The following AGBL3 variants were observed in gnomAD, a reference collection of about 807,000 sequenced individuals.
AGBL3 encodes cytosolic carboxypeptidase 3.
Under a neutral mutation model 94.5 loss-of-function variants are expected in AGBL3, and 68 were observed. The observed-to-expected ratio is 0.72, with a 90% CI of 0.59 to 0.88. The LOEUF (loss-of-function observed/expected upper bound fraction) is 0.88. Among genes scored for constraint, AGBL3 ranks in the 40% least tolerant of loss-of-function variants. The pLI is 0.00. For missense variants in AGBL3, 934 were observed against 1,103.8 expected, an observed-to-expected ratio of 0.85 and a Z score of 2.18; for synonymous variants, 354 against 370.7, an observed-to-expected ratio of 0.95 and a Z score of 0.52.
At chr7:135,079,342 C>T (rs1227066141) in intron 13 of AGBL3, among the ~76,000 whole-genome samples, 3 of 152,100 alleles carry the variant, frequency 2.0e-5, no homozygotes, top group South Asian at 2.1e-4. Context: ...TTGATTTTTA[C>T]AGTTTTCTCC....
intron 16 of AGBL3, among the ~76,000 whole-genome samples, chr7:135,116,948 G>C (rs1826405684): frequency 1.3e-5 from 2 of 152,232 alleles, no homozygotes; most frequent in African/African-American, 2.4e-5. Context: ...CCAAGTCTTG[G>C]ATATATGAGG....
chr7:135,105,683 C>T (rs1200491620), intron 15 of AGBL3, among the ~76,000 whole-genome samples: 8 of 152,046 alleles, frequency 5.3e-5, no homozygotes, highest in Non-Finnish European at 1.5e-5. Context: ...CAGCTTTGTT[C>T]TTTTTGCTTA....
intron 12 of AGBL3, among the ~76,000 whole-genome samples, chr7:135,074,531 T>A (rs1460224475): frequency 3.9e-5 from 6 of 152,274 alleles, no homozygotes; most frequent in Non-Finnish European, 8.8e-5. Flanking sequence ...AACAAGTGTT[T>A]TACCTCCTCC....
At chr7:134,987,071 G>T (rs530349952) in intron 1 of AGBL3, among the ~76,000 whole-genome samples, 22 of 152,390 alleles carry the variant, frequency 1.4e-4, no homozygotes, top group African/African-American at 5.3e-4. Flanking sequence ...TGATGCCCAG[G>T]CAGAAACTTC....
At chr7:135,068,629 C>G (rs1819590477) in intron 12 of AGBL3, among the ~76,000 whole-genome samples, 1 of 152,146 alleles carries the variant, frequency 6.6e-6, no homozygotes, top group African/African-American at 2.4e-5. Context: ...CATATCCAGC[C>G]AAACTAAACT....
chr7:135,104,129 C>T (rs1245492326), intron 15 of AGBL3, among the ~76,000 whole-genome samples: 1 of 152,072 alleles, frequency 6.6e-6, no homozygotes, highest in African/African-American at 2.4e-5. Context: ...CCTATGTTCT[C>T]ATAATTTGGC....
In AGBL3 at chr7:134,993,657, G is replaced by C; in HGVS notation, c.289G>C (p.Asp97His). The C allele has an allele frequency of 6.5e-7, 1 of 1,550,268 alleles. No individual in the cohort carries two copies. Among genetic ancestry groups the C allele is most frequent in the South Asian group, 1.2e-5 (1 of 83,544 alleles). Reference sequence around the variant, plus strand: ...GTGGCCATACCATTGTGAAGTCATCGATGAAAAAGTCCAGCATATTGGTAT... The same window carrying C: ...GTGGCCATACCATTGTGAAGTCATCCATGAAAAAGTCCAGCATATTGGTAT... ...TRWPYHCEVI[D>H]EKVQHIDWTP... Residue 97 changes from aspartate to histidine, a missense_variant, in exon 4 of 17, where the codon GAT becomes CAT. Physicochemically the swap from Asp to His is moderately conservative, Grantham distance 81 (BLOSUM62 -1). Coordinates refer to ENST00000436302, the MANE Select transcript of AGBL3 (RefSeq NM_178563.4).
chr7:135,080,126 C>A, intron 13 of AGBL3, 77 bp from the exon 14 acceptor site: 1 of 1,127,128 alleles, frequency 8.9e-7, no homozygotes, highest in Non-Finnish European at 1.3e-6. Context: ...TGCACAATAC[C>A]ATAAATCATA....
rs530854792 is a variant in AGBL3, at chr7:135,098,317, C to T, written c.2110+16527C>T. Among the ~76,000 whole-genome samples, 4 of 152,248 alleles carry T rather than the reference C, an allele frequency of 2.6e-5. No homozygotes were observed. The South Asian group carries it at 8.3e-4, about 32-fold the overall frequency. ...AAATGGCATAGTGTTTGCATATAAC[C>T]TATGCATATCCTCCAGTATGCTTTA... On this transcript the variant is annotated intron_variant, in intron 15 of 16. Transcript: ENST00000436302.
chr7:135,121,759 GGAA>G (rs942067046), intron 16 of AGBL3, among the ~76,000 whole-genome samples: 8 of 152,288 alleles, frequency 5.3e-5, no homozygotes, highest in African/African-American at 1.9e-4. Flanking sequence ...TCCACAGAGA[GGAA>G]GAACAGTGTA....
Position 135,090,962 on chromosome 7 carries a change from G to C in AGBL3, c.2110+9172G>C, listed in dbSNP as rs377186637. Among the ~76,000 whole-genome samples the C allele has an allele frequency of 2.0e-5, 3 of 152,258 alleles. No individual in the cohort carries two copies. In the East Asian group the frequency reaches 5.8e-4, roughly 29 times the overall value. On this transcript the variant is annotated intron_variant, in intron 15 of 16. Coordinates refer to ENST00000436302, the MANE Select transcript of AGBL3 (RefSeq NM_178563.4). ...TCCAAGATGACAGCTCCTTCTCTGGGGGGAGCACAGCTAGTGGAGTCCAGG... is the reference window on the plus strand; with the variant it reads ...TCCAAGATGACAGCTCCTTCTCTGGCGGGAGCACAGCTAGTGGAGTCCAGG...
In AGBL3 at chr7:134,993,658, A is replaced by G. The variant is rs769888283; in HGVS notation, c.290A>G (p.Asp97Gly). 2 of 1,550,822 alleles carry G rather than the reference A, an allele frequency of 1.3e-6. No homozygotes were observed. The highest frequency in any genetic ancestry group is 2.4e-5 in the South Asian group (2 of 83,674). Residue 97 changes from aspartate (D) to glycine (G), a missense_variant, in exon 4 of 17, where the codon GAT becomes GGT. By Grantham distance (94) the Asp-to-Gly change is moderately conservative. This residue lies in a region of AGBL3 where 488 missense variants were observed against 563.6 expected (regional missense o/e 0.87). Coordinates refer to ENST00000436302, the MANE Select transcript of AGBL3 (RefSeq NM_178563.4). ...TRWPYHCEVI[D>G]EKVQHIDWTP... is the part of the protein sequence containing the mutation. ...TGGCCATACCATTGTGAAGTCATCGATGAAAAAGTCCAGCATATTGGTATG... is the reference window on the plus strand; with the variant it reads ...TGGCCATACCATTGTGAAGTCATCGGTGAAAAAGTCCAGCATATTGGTATG...
At chr7:135,042,858 G>C (rs1816992998) in intron 8 of AGBL3, among the ~76,000 whole-genome samples, 1 of 152,094 alleles carries the variant, frequency 6.6e-6, no homozygotes, top group African/African-American at 2.4e-5. Flanking sequence ...ACTGCAGTGA[G>C]CTATGATCGC....
intron 6 of AGBL3, among the ~76,000 whole-genome samples, chr7:135,033,679 A>T (rs4732083): frequency 0.99 from 151,527 of 152,330 alleles, 75,368 homozygotes; most frequent in Middle Eastern, 1. Flanking sequence ...TCTCAAATAG[A>T]TCAAATTATG....
chr7:135,091,335 T>C (rs938155870), intron 15 of AGBL3, among the ~76,000 whole-genome samples: 3 of 151,596 alleles, frequency 2.0e-5, no homozygotes, highest in African/African-American at 7.3e-5. Context: ...AGGACCCCCA[T>C]GTATACCAAA....
At chr7:135,045,707 T>C (rs1459061202) in intron 10 of AGBL3, 92 bp from the exon 11 acceptor site, 1 of 1,307,786 alleles carries the variant, frequency 7.6e-7, no homozygotes, top group Admixed American at 2.2e-5. Flanking sequence ...AATTTCCCAG[T>C]AACAATTGTT....
chr7:135,125,994 T>C (rs1001173600), intron 16 of AGBL3, among the ~76,000 whole-genome samples: 3 of 152,128 alleles, frequency 2.0e-5, no homozygotes, highest in Non-Finnish European at 4.4e-5. Context: ...AAGACAAGGA[T>C]GCCCTCTCTC....
intron 15 of AGBL3, chr7:135,093,816 C>T (rs1420003483): frequency 6.6e-6 from 1 of 152,104 alleles, no homozygotes; most frequent in Non-Finnish European, 1.5e-5. Flanking sequence ...TGATAAAGAA[C>T]AATGTTTAAG....
At chr7:134,993,004 C>CGT (rs1340460528) in intron 3 of AGBL3, among the ~76,000 whole-genome samples, 1 of 152,160 alleles carries the variant, frequency 6.6e-6, no homozygotes. Flanking sequence ...GCCTGCTTGG[C>CGT]GTGGCCCCAT....
Sources: gnomAD v4.1 joint callset for allele counts (sites outside exome capture counted in the v4.1 genomes callset) on GRCh38, gnomAD v4.1.1 for gene constraint, gnomAD v4.1.1 regional missense constraint, MANE v1.5 for transcripts, NCBI Gene and HGNC (gene_info 2026-07-23, HGNC 2026-07-21) for gene names.